The following PPFIA2 variants were observed in gnomAD, a reference collection of about 807,000 sequenced individuals.
PPFIA2 encodes the protein liprin-alpha-2.
PPFIA2 carries 46 observed loss-of-function variants against 175.5 expected under a neutral mutation model. That is an observed-to-expected ratio of 0.26 (90% CI 0.21 to 0.34). PPFIA2 has a LOEUF of 0.34. Ranked by LOEUF, PPFIA2 falls within the 10% of genes least tolerant of loss-of-function variation. PPFIA2 has a pLI of 1.00. For missense variants in PPFIA2, 1,179 were observed against 1,506.1 expected (o/e 0.78, Z 3.60); for synonymous variants, 568 against 511.4 (o/e 1.11, Z -1.49).
chr12:81,650,483 C>A (rs2066873073), intron 4 of PPFIA2, among the ~76,000 whole-genome samples: 1 of 151,888 alleles, frequency 6.6e-6, no homozygotes, highest in African/African-American at 2.4e-5. Flanking sequence ...CAAATAAAAT[C>A]CCTAATGCAT....
chr12:81,575,935 T>G (rs894746050), intron 4 of PPFIA2, among the ~76,000 whole-genome samples: 3 of 151,752 alleles, frequency 2.0e-5, no homozygotes, highest in African/African-American at 4.8e-5. Context: ...GCTTCCACTT[T>G]ATAAACAAAG....
intron 4 of PPFIA2, among the ~76,000 whole-genome samples, chr12:81,466,971 T>A (rs970170097): frequency 1.7e-4 from 25 of 149,378 alleles, no homozygotes; most frequent in African/African-American, 5.6e-4. Context: ...ACCATGCAGT[T>A]TTTTTCTTTA....
chr12:81,298,284 T>C (rs1432632802), intron 23 of PPFIA2: 1 of 152,198 alleles, frequency 6.6e-6, no homozygotes, highest in Non-Finnish European at 1.5e-5. Flanking sequence ...AATTTCCCTG[T>C]CTGATGTGAA....
chr12:81,408,590 GA>G (rs2043339704), intron 7 of PPFIA2, among the ~76,000 whole-genome samples: 2 of 152,034 alleles, frequency 1.3e-5, no homozygotes, highest in African/African-American at 4.8e-5. Flanking sequence ...GTGAAAAGAT[GA>G]ATTAATGTCC....
At chr12:81,310,064 C>T (rs1040782038) in intron 22 of PPFIA2, among the ~76,000 whole-genome samples, 3 of 151,982 alleles carry the variant, frequency 2.0e-5, no homozygotes, top group African/African-American at 4.8e-5. Flanking sequence ...ATATGAATAC[C>T]ACTTAGATTA....
chr12:81,411,841 T>G (rs1392521229), intron 7 of PPFIA2, among the ~76,000 whole-genome samples: 1 of 151,988 alleles, frequency 6.6e-6, no homozygotes, highest in Non-Finnish European at 1.5e-5. Context: ...TATTTTTAAA[T>G]GGTGTTAACA....
chr12:81,678,542 AC>A (rs2073020217), intron 3 of PPFIA2, among the ~76,000 whole-genome samples: 7 of 151,874 alleles, frequency 4.6e-5, no homozygotes, highest in Admixed American at 4.6e-4. Context: ...AGGAGTACTT[AC>A]CAAGAAAATT....
At chr12:81,331,811 A>G (rs1699031994) in intron 21 of PPFIA2, among the ~76,000 whole-genome samples, 1 of 151,864 alleles carries the variant, frequency 6.6e-6, no homozygotes, top group Non-Finnish European at 1.5e-5. Context: ...TCTTTGTCTT[A>G]GATTTGTTTC....
At chr12:81,503,872 A>G (rs2060852245) in intron 4 of PPFIA2, among the ~76,000 whole-genome samples, 1 of 152,058 alleles carries the variant, frequency 6.6e-6, no homozygotes, top group Admixed American at 6.6e-5. Context: ...CTTAAGACTC[A>G]TTAAAAACAA....
At chr12:81,602,209 C>G (rs933027254) in intron 4 of PPFIA2, among the ~76,000 whole-genome samples, 1 of 151,006 alleles carries the variant, frequency 6.6e-6, no homozygotes, top group Non-Finnish European at 1.5e-5. Context: ...ACACAATGTA[C>G]CAGAACAGAA....
At chr12:81,292,565 T>C (rs2045319798) in intron 24 of PPFIA2, 1 of 152,142 alleles carries the variant, frequency 6.6e-6, no homozygotes, top group African/African-American at 2.4e-5. Flanking sequence ...CTTAATAATA[T>C]TTTCTTTTCT....
chr12:81,266,024 G>A (rs2037153642), intron 30 of PPFIA2, among the ~76,000 whole-genome samples: 1 of 152,150 alleles, frequency 6.6e-6, no homozygotes, highest in Non-Finnish European at 1.5e-5. Context: ...CTGAGTTCAA[G>A]ACTGTAGAAC....
chr12:81,437,567 A>T (rs2144841422), intron 7 of PPFIA2, among the ~76,000 whole-genome samples: 1 of 152,220 alleles, frequency 6.6e-6, no homozygotes, highest in South Asian at 2.1e-4. Context: ...ACTTTAGCCA[A>T]GTGGTCTCAT....
intron 16 of PPFIA2, among the ~76,000 whole-genome samples, chr12:81,354,510 T>G (rs1396405513): frequency 6.6e-6 from 1 of 152,166 alleles, no homozygotes; most frequent in Non-Finnish European, 1.5e-5. Flanking sequence ...TTTGGTTTCG[T>G]TTTCAGGCTC....
intron 4 of PPFIA2, among the ~76,000 whole-genome samples, chr12:81,544,576 T>A (rs2066705226): frequency 6.6e-6 from 1 of 152,194 alleles, no homozygotes; most frequent in South Asian, 2.1e-4. Context: ...TGAAAATTTA[T>A]ATAATTATGT....
At chr12:81,425,132 T>A (rs543418142) in intron 7 of PPFIA2, among the ~76,000 whole-genome samples, 2 of 152,202 alleles carry the variant, frequency 1.3e-5, no homozygotes, top group Admixed American at 1.3e-4. Context: ...GGTGATTAGA[T>A]AATCGCAAGA....
chr12:81,353,381 C>A, intron 16 of PPFIA2, 42 bp from the exon 17 acceptor site: 1 of 1,406,788 alleles, frequency 7.1e-7, no homozygotes, highest in Non-Finnish European at 1.0e-6. Context: ...TATCATATTG[C>A]TCATTTTCAA....
chr12:81,271,355 C>T (rs1483340192), intron 28 of PPFIA2, among the ~76,000 whole-genome samples: 3 of 152,202 alleles, frequency 2.0e-5, no homozygotes, highest in Non-Finnish European at 4.4e-5. Flanking sequence ...ACTGCAACCT[C>T]TGCCTCCAAG....
chr12:81,557,939 G>A (rs2069185633), intron 4 of PPFIA2, among the ~76,000 whole-genome samples: 1 of 152,058 alleles, frequency 6.6e-6, no homozygotes, highest in African/African-American at 2.4e-5. Flanking sequence ...GTAAAGGCAT[G>A]CCATGGCCTA....
Sources: gnomAD v4.1 joint callset for allele counts (sites outside exome capture counted in the v4.1 genomes callset) on GRCh38, gnomAD v4.1.1 for gene constraint, MANE v1.5 for transcripts, NCBI Gene and HGNC (gene_info 2026-07-23, HGNC 2026-07-21) for gene names.